The following ARHGEF37 variants were observed in gnomAD, a reference collection of about 807,000 sequenced individuals.
ARHGEF37 encodes the protein Rho guanine nucleotide exchange factor 37.
In ARHGEF37, 55 loss-of-function variants were observed where a neutral mutation model predicts 71.1. The ratio of observed to expected loss-of-function variants is 0.77; its 90% CI spans 0.62 to 0.97. ARHGEF37 has a LOEUF of 0.97. ARHGEF37 is among the 50% of genes least tolerant of loss of function. The probability of loss-of-function intolerance (pLI) is 0.00; values close to 1 mark genes in which losing one functional copy is unlikely to be tolerated. For synonymous variants in ARHGEF37, 327 were observed against 350.6 expected (o/e 0.93, Z 0.75); for missense variants, 765 against 836.8 (o/e 0.91, Z 1.06).
At chr5:149,600,680 G>T (rs191663905) in intron 2 of ARHGEF37, among the ~76,000 whole-genome samples, 27 of 148,954 alleles carry the variant, frequency 1.8e-4, no homozygotes, top group Non-Finnish European at 2.5e-4. Flanking sequence ...TCGCTCTGTC[G>T]CCCAGGCTGG....
chr5:149,561,353 C>T (rs374704835), intron 1 of ARHGEF37, among the ~76,000 whole-genome samples: 1 of 150,878 alleles, frequency 6.6e-6, no homozygotes, highest in African/African-American at 2.4e-5. Context: ...AGGGGCATTA[C>T]TTAAGTGACC....
chr5:149,621,618 C>A, intron 8 of ARHGEF37, 115 bp from the exon 9 acceptor site: 1 of 955,644 alleles, frequency 1.0e-6, no homozygotes, highest in Non-Finnish European at 1.6e-6. Context: ...AAGGTCCCAG[C>A]TAGTCAGTGG....
At chr5:149,625,841 G>C (rs1334264826) in intron 10 of ARHGEF37, among the ~76,000 whole-genome samples, 1 of 151,888 alleles carries the variant, frequency 6.6e-6, no homozygotes, top group South Asian at 2.1e-4. Context: ...AAGTGAGGTG[G>C]TCTCCCCGGA....
At chr5:149,614,274 G>T (rs1380857658) in intron 4 of ARHGEF37, among the ~76,000 whole-genome samples, 1 of 151,410 alleles carries the variant, frequency 6.6e-6, no homozygotes, top group Admixed American at 6.6e-5. Flanking sequence ...TGGAAGAAAG[G>T]GTTTGTACCC....
At chr5:149,589,872 T>A (rs1379547142) in intron 1 of ARHGEF37, among the ~76,000 whole-genome samples, 1 of 151,952 alleles carries the variant, frequency 6.6e-6, no homozygotes, top group Non-Finnish European at 1.5e-5. Context: ...TCACTGTGTT[T>A]CCCAGGCTGG....
Position 149,601,146 on chromosome 5 carries a change from T to C in ARHGEF37, c.225T>C (p.Ile75=). 1.9e-6 allele frequency: 3 copies of C among 1,613,188 alleles called. No individual in the cohort carries two copies. The highest frequency in any genetic ancestry group is 1.1e-5 in the South Asian group (1 of 91,016). ...QGDLDVLFSN[I]DDIIKVNSRF... ...ATCTGGATGTCCTGTTCTCAAACAT[T>C]GATGATATCATCAAAGTGAACAGCA... The change falls in exon 3 of 13, where the codon ATT becomes ATC. Residue 75 remains isoleucine, a synonymous_variant. Transcript: ENST00000333677.
Position 149,616,723 on chromosome 5 carries a change from C to A in ARHGEF37, c.615C>A (p.Asp205Glu), listed in dbSNP as rs768611506. Residue 205 changes from aspartate (D) to glutamate (E), a missense_variant, in exon 5 of 13, where the codon GAC becomes GAA. Around this residue, in one of 5 missense-constraint regions of ARHGEF37, gnomAD observed 167 missense variants for 173.3 expected, o/e 0.96. Transcript: ENST00000333677. The stretch of plus-strand genomic sequence containing the variant: ...AGAGGGCTGTCTCTGCCCTCCAGGA[C>A]GTGAACACCAATATCAATGAGTACA... ...VLQRAVSALQDVNTNINEYKM... is the reference protein window; with the variant it reads ...VLQRAVSALQEVNTNINEYKM... 1 of 1,613,404 alleles carries A rather than the reference C, an allele frequency of 6.2e-7. No individual in the cohort carries two copies. Among genetic ancestry groups the A allele is most frequent in the Non-Finnish European group, 8.5e-7 (1 of 1,179,440 alleles).
Position 149,557,403 on chromosome 5 carries a change from C to T in ARHGEF37, c.-12+5280C>T, listed in dbSNP as rs143982029. Among the ~76,000 whole-genome samples, 542 of 152,344 alleles carry T rather than the reference C, an allele frequency of 3.6e-3. 2 individuals carry two copies. The highest frequency in any genetic ancestry group is 0.013 in the African/African-American group (523 of 41,574). On this transcript the variant is annotated intron_variant, in intron 1 of 2. Transcript: ENST00000505810. ...TAGATAAACTGGGAATTTTCAAGGA[C>T]TTCCTGGAACTGCAGTTAAGCCAAA...
intron 1 of ARHGEF37, among the ~76,000 whole-genome samples, chr5:149,589,323 T>TATTA (rs148953672): frequency 0.25 from 37,953 of 151,436 alleles, 5,176 homozygotes; most frequent in Admixed American, 0.41. Flanking sequence ...CATAATGTTT[T>TATTA]ATTAATTAAT....
chr5:149,628,865 G>A lies in ARHGEF37; in HGVS notation c.1717G>A (p.Ala573Thr). Residue 573 changes from alanine (A) to threonine (T), a missense_variant, in exon 12 of 13, where the codon GCA becomes ACA. Physicochemically the swap from Ala to Thr is moderately conservative, Grantham distance 58. Around this residue, in one of 5 missense-constraint regions of ARHGEF37, gnomAD observed 390 missense variants for 407.4 expected, o/e 0.96. Coordinates refer to ENST00000333677, the MANE Select transcript of ARHGEF37 (RefSeq NM_001001669.3). ...ACAGCTGTACCATGTGGTCCCCAGT[G>A]CAGAGGAGCTCAGAAGGCAGGCGGG... is the stretch of plus-strand genomic sequence containing the variant. ...KLQLYHVVPS[A>T]EELRRQAGLN... 6.2e-7 allele frequency: 1 copy of A among 1,613,840 alleles called. No individual in the cohort carries two copies. The highest frequency in any genetic ancestry group is 8.5e-7 in the Non-Finnish European group (1 of 1,180,012).
chr5:149,613,472 G>A (rs1008193662), intron 4 of ARHGEF37, among the ~76,000 whole-genome samples: 2 of 151,276 alleles, frequency 1.3e-5, no homozygotes, highest in Admixed American at 1.3e-4. Context: ...TCAGCCTCCC[G>A]AGTAGCTGGG....
rs200481735 is a variant in ARHGEF37, at chr5:149,632,239, A to T, written c.*48A>T. The T allele has an allele frequency of 4.3e-4, 686 of 1,594,382 alleles. 3 individuals carry two copies. In the African/African-American group the frequency reaches 8.3e-3, roughly 19 times the overall value. On this transcript the variant is annotated 3_prime_UTR_variant, in exon 13 of 13. Coordinates refer to ENST00000333677, the MANE Select transcript of ARHGEF37 (RefSeq NM_001001669.3). ...TTGCCAAATGATGGGGGAGGCTTAG[A>T]GGCTCTGACCCTGGGGGGAAAAGAA...
chr5:149,618,296 T>G lies in ARHGEF37; in HGVS notation c.779T>G (p.Leu260Arg), dbSNP rs777474731. Residue 260 changes from leucine (L) to arginine (R), a missense_variant, in exon 6 of 13, where the codon CTG becomes CGG. Transcript: ENST00000333677. ...CAGCTGCTGAAGCAGGAGGCGGGGC[T>G]GATCCCCAGGGTGAGCGTGCGCCTG... ...LSQLLKQEAG[L>R]IPRTEDKEFD... is the part of the protein sequence containing the mutation. 34 of 1,614,040 alleles carry G rather than the reference T, an allele frequency of 2.1e-5. No individual in the cohort carries two copies. Among genetic ancestry groups the G allele is most frequent in the Middle Eastern group, 1.6e-4 (1 of 6,084 alleles).
At chr5:149,611,320 A>T (rs1561801589) in intron 4 of ARHGEF37, among the ~76,000 whole-genome samples, 1 of 152,210 alleles carries the variant, frequency 6.6e-6, no homozygotes, top group East Asian at 1.9e-4. Context: ...TTTGCAAACC[A>T]TCTGCCTCAG....
chr5:149,617,321 C>T (rs990536232), intron 5 of ARHGEF37, among the ~76,000 whole-genome samples: 5 of 152,144 alleles, frequency 3.3e-5, no homozygotes, highest in Non-Finnish European at 7.4e-5. Flanking sequence ...CACATGACTG[C>T]CACACTGTGG....
At chr5:149,622,120 C>A in intron 9 of ARHGEF37, 58 bp downstream of exon 9, 1 of 1,491,794 alleles carries the variant, frequency 6.7e-7, no homozygotes, top group Non-Finnish European at 9.0e-7. Flanking sequence ...CCCTGCAGCC[C>A]CATCAGCCAG....
intron 1 of ARHGEF37, among the ~76,000 whole-genome samples, chr5:149,576,335 T>C (rs926864371): frequency 2.0e-5 from 3 of 152,226 alleles, no homozygotes; most frequent in Non-Finnish European, 4.4e-5. Flanking sequence ...GTCATACTTC[T>C]GAGGTTTCAG....
intron 1 of ARHGEF37, among the ~76,000 whole-genome samples, chr5:149,594,051 G>A (rs1412796970): frequency 1.3e-5 from 2 of 152,130 alleles, no homozygotes; most frequent in Admixed American, 1.3e-4. Context: ...TTTGATACCT[G>A]TATACAATGT....
chr5:149,604,676 ATTTTTTTTTTTT>A (rs528100482), intron 3 of ARHGEF37, among the ~76,000 whole-genome samples: 3 of 91,694 alleles, frequency 3.3e-5, no homozygotes, highest in African/African-American at 8.7e-5. Context: ...CAGCAACACC[ATTTTTTTTTTTT>A]TTTTTTTTTT....
Sources: allele counts gnomAD v4.1 joint callset (sites outside exome capture counted in the v4.1 genomes callset), GRCh38; gene constraint gnomAD v4.1.1; regional missense constraint gnomAD v4.1.1; transcripts MANE v1.5; gene names NCBI Gene and HGNC (gene_info 2026-07-23, HGNC 2026-07-21).